Variants in SPON1 observed in about 807,000 individuals in gnomAD.
SPON1 encodes spondin 1, also known as spondin-1.
A neutral mutation model predicts 111.7 loss-of-function variants in SPON1; 52 were observed. The ratio of observed to expected loss-of-function variants is 0.47; its 90% CI spans 0.37 to 0.59. The LOEUF (loss-of-function observed/expected upper bound fraction) is 0.59, where lower values mean the gene tolerates loss of function less well. SPON1 is among the 20% of genes least tolerant of loss of function. The pLI is 0.00. For synonymous variants in SPON1, 410 were observed against 395.8 expected, an observed-to-expected ratio of 1.04 and a Z score of -0.43; for missense variants, 957 against 1,068.5, an observed-to-expected ratio of 0.90 and a Z score of 1.46.
intron 10 of SPON1, 141 bp from the exon 11 acceptor site, chr11:14,257,575 T>A: frequency 1.6e-6 from 1 of 621,218 alleles, no homozygotes; most frequent in Non-Finnish European, 2.6e-6. Flanking sequence ...GGATGGCTGC[T>A]TCCATCCCAG....
At chr11:13,970,935 A>AT (rs1326284670) in intron 1 of SPON1, among the ~76,000 whole-genome samples, 2 of 152,302 alleles carry the variant, frequency 1.3e-5, no homozygotes, top group Admixed American at 1.3e-4. Context: ...CTTATTTGCC[A>AT]TTTTATCTTC....
chr11:14,003,593 G>T (rs567847515), intron 2 of SPON1, among the ~76,000 whole-genome samples: 11 of 152,150 alleles, frequency 7.2e-5, no homozygotes, highest in Non-Finnish European at 1.6e-4. Flanking sequence ...AAGGCACTCT[G>T]TGATTTTCTA....
At chr11:14,183,286 G>T (rs1268176223) in intron 6 of SPON1, among the ~76,000 whole-genome samples, 2 of 152,166 alleles carry the variant, frequency 1.3e-5, no homozygotes, top group Admixed American at 6.5e-5. Flanking sequence ...ATGCTAATTA[G>T]ATTGTCTCAG....
Position 14,161,295 on chromosome 11 carries a change from TTATA to T in SPON1, c.825+25735_825+25738del, listed in dbSNP as rs869043393. Among the ~76,000 whole-genome samples, 4 of 25,886 alleles carry T rather than the reference TTATA, an allele frequency of 1.5e-4. 1 individual carries two copies. Among genetic ancestry groups the T allele is most frequent in the Non-Finnish European group, 4.5e-4 (4 of 8,872 alleles). 17.0% of individuals were successfully genotyped at this position (25,886 alleles called of 152,430 possible). A position where few individuals can be genotyped will look rare whatever the true frequency, so the allele number is the denominator to read the frequency against. ...TGTATATCTATATATATTTATATAT[TTATA>T]TATATATTTTTTTATATCTATATAT... On this transcript the variant is annotated intron_variant, in intron 6 of 15. Transcript: ENST00000576479.
intron 15 of SPON1, 152 bp downstream of exon 15, chr11:14,263,127 A>C: frequency 1.3e-6 from 1 of 796,198 alleles, no homozygotes. Flanking sequence ...TTGATTCTTT[A>C]GATCCAAGTT....
chr11:14,195,096 T>C (rs1848386425), intron 6 of SPON1, among the ~76,000 whole-genome samples: 1 of 152,220 alleles, frequency 6.6e-6, no homozygotes, highest in Non-Finnish European at 1.5e-5. Flanking sequence ...CCACATGTAA[T>C]TACTAAGTAG....
chr11:14,075,894 T>A (rs997503286), intron 4 of SPON1, among the ~76,000 whole-genome samples: 1 of 152,170 alleles, frequency 6.6e-6, no homozygotes, highest in Admixed American at 6.5e-5. Flanking sequence ...TATCACCACA[T>A]TCAAGGATCT....
chr11:13,976,005 C>G (rs1211971331), intron 1 of SPON1, among the ~76,000 whole-genome samples: 1 of 152,212 alleles, frequency 6.6e-6, no homozygotes, highest in Non-Finnish European at 1.5e-5. Context: ...AATTCTTGAA[C>G]AGTTTACATG....
intron 1 of SPON1, among the ~76,000 whole-genome samples, chr11:13,979,289 T>C (rs1848126232): frequency 1.3e-5 from 2 of 152,202 alleles, no homozygotes; most frequent in African/African-American, 4.8e-5. Context: ...TCTTTTCTTA[T>C]AGGGACATAA....
chr11:14,247,325 A>G (rs1490473465), intron 7 of SPON1, among the ~76,000 whole-genome samples: 9 of 152,150 alleles, frequency 5.9e-5, no homozygotes, highest in African/African-American at 2.2e-4. Context: ...CAGGAGGATC[A>G]CTTTAGCCGA....
At chr11:14,031,951 T>C (rs1848562217) in intron 2 of SPON1, among the ~76,000 whole-genome samples, 1 of 152,186 alleles carries the variant, frequency 6.6e-6, no homozygotes, top group Admixed American at 6.5e-5. Flanking sequence ...ATAAACTACA[T>C]TAATTTCATT....
At chr11:14,044,167 C>T (rs961996887) in intron 3 of SPON1, among the ~76,000 whole-genome samples, 2 of 135,164 alleles carry the variant, frequency 1.5e-5, no homozygotes, top group Non-Finnish European at 3.4e-5. Context: ...TTTATTTTTT[C>T]TCTGAAGGAA....
chr11:14,026,136 G>T (rs375477249), intron 2 of SPON1, among the ~76,000 whole-genome samples: 159 of 152,324 alleles, frequency 1.0e-3, no homozygotes, highest in African/African-American at 3.6e-3. Context: ...AGAGGGAAAT[G>T]CTCTCTTTGC....
chr11:14,218,432 T>C (rs1848647740), intron 6 of SPON1, among the ~76,000 whole-genome samples: 3 of 152,206 alleles, frequency 2.0e-5, no homozygotes, highest in African/African-American at 7.2e-5. Flanking sequence ...TGTGTTCCCA[T>C]TGGTCCCCCT....
At chr11:14,074,407 T>G (rs1848900351) in intron 3 of SPON1, among the ~76,000 whole-genome samples, 1 of 152,314 alleles carries the variant, frequency 6.6e-6, no homozygotes, top group Non-Finnish European at 1.5e-5. Context: ...ATGTGACACA[T>G]GCAGATCATG....
chr11:14,239,265 A>T (rs572472226), intron 6 of SPON1, among the ~76,000 whole-genome samples: 7 of 152,312 alleles, frequency 4.6e-5, no homozygotes, highest in Admixed American at 3.3e-4. Flanking sequence ...TGTAAGTAAA[A>T]ATAAGAATGA....
intron 6 of SPON1, among the ~76,000 whole-genome samples, chr11:14,145,964 T>C (rs1847712404): frequency 6.6e-6 from 1 of 152,110 alleles, no homozygotes; most frequent in African/African-American, 2.4e-5. Context: ...AATGGCAGGT[T>C]AGAGTGAAAT....
chr11:14,165,813 A>G (rs1257083934), intron 6 of SPON1, among the ~76,000 whole-genome samples: 3 of 152,208 alleles, frequency 2.0e-5, no homozygotes, highest in Non-Finnish European at 4.4e-5. Context: ...CTCTTACTGT[A>G]CTTGGCCTGA....
chr11:14,115,684 G>C (rs1554925895), intron 5 of SPON1, among the ~76,000 whole-genome samples: 5 of 152,122 alleles, frequency 3.3e-5, no homozygotes, highest in South Asian at 2.1e-4. Context: ...ATGAACATTT[G>C]GGTAGTTTCC....
Sources: gnomAD v4.1 joint callset for allele counts (sites outside exome capture counted in the v4.1 genomes callset) on GRCh38, gnomAD v4.1.1 for gene constraint, MANE v1.5 for transcripts, NCBI Gene and HGNC (gene_info 2026-07-23, HGNC 2026-07-21) for gene names.